PDGFD: variants seen among roughly 807,000 people sequenced by gnomAD.
The protein encoded by PDGFD is platelet derived growth factor D, also known as platelet-derived growth factor D.
In PDGFD, 30 loss-of-function variants were observed where a neutral mutation model predicts 44.7. That is an observed-to-expected ratio of 0.67 (90% CI 0.50 to 0.91). The LOEUF is 0.91. Among genes scored for constraint, PDGFD ranks in the 40% least tolerant of loss-of-function variants. The pLI is 0.00. For missense variants in PDGFD, 445 were observed against 457.8 expected, an observed-to-expected ratio of 0.97 and a Z score of 0.25; for synonymous variants, 173 against 168.4, an observed-to-expected ratio of 1.03 and a Z score of -0.21.
At chr11:104,039,513 C>T (rs1860311864) in intron 1 of PDGFD, among the ~76,000 whole-genome samples, 1 of 152,080 alleles carries the variant, frequency 6.6e-6, no homozygotes, top group African/African-American at 2.4e-5. Context: ...TTTCTAGCCA[C>T]CATCAGTTCA....
chr11:103,971,332 A>T (rs1399438220), intron 3 of PDGFD, among the ~76,000 whole-genome samples: 3 of 152,150 alleles, frequency 2.0e-5, no homozygotes, highest in Non-Finnish European at 2.9e-5. Flanking sequence ...CCAATCCTAA[A>T]CTATCAGCCC....
intron 1 of PDGFD, among the ~76,000 whole-genome samples, chr11:104,104,514 A>G (rs1456691616): frequency 6.6e-6 from 1 of 152,066 alleles, no homozygotes; most frequent in Non-Finnish European, 1.5e-5. Context: ...TACCTCTCCT[A>G]TGTTTAGATA....
intron 1 of PDGFD, among the ~76,000 whole-genome samples, chr11:104,060,482 G>A (rs1043662352): frequency 1.3e-5 from 2 of 152,102 alleles, no homozygotes; most frequent in Non-Finnish European, 2.9e-5. Context: ...CTCAGTGCAG[G>A]GGTTGGGAAG....
At chr11:104,057,000 T>C (rs361320) in intron 1 of PDGFD, among the ~76,000 whole-genome samples, 151,539 of 152,102 alleles carry the variant, frequency 1, 75,492 homozygotes, top group Middle Eastern at 1. Flanking sequence ...TAGTGGTGCA[T>C]GCCTGCAGTC....
chr11:104,018,387 T>C (rs192059498), intron 1 of PDGFD, among the ~76,000 whole-genome samples: 1 of 152,298 alleles, frequency 6.6e-6, no homozygotes, highest in East Asian at 1.9e-4. Flanking sequence ...ATGTTTGATT[T>C]TCCATCTGTA....
intron 3 of PDGFD, among the ~76,000 whole-genome samples, chr11:103,958,035 A>G (rs977625080): frequency 3.3e-5 from 5 of 151,870 alleles, no homozygotes; most frequent in African/African-American, 1.2e-4. Flanking sequence ...AAATTTTGTG[A>G]CTAGTTGTTT....
Position 104,113,363 on chromosome 11 carries a change from T to A in PDGFD, c.124+50441A>T, listed in dbSNP as rs567756778. 6.6e-5 allele frequency among the ~76,000 whole-genome samples: 10 copies of A among 152,138 alleles called. 1 individual carries two copies. In the South Asian group the frequency reaches 2.1e-3, roughly 32 times the overall value. On this transcript the variant is annotated intron_variant, in intron 1 of 6. Transcript: ENST00000393158. ...GGGGAGGGGAGGCAAACAAAAAACA[T>A]ATAGTCTAATAACAGAATAACAGAG...
intron 6 of PDGFD, among the ~76,000 whole-genome samples, chr11:103,915,564 C>T (rs1591074098): frequency 6.6e-6 from 1 of 152,268 alleles, no homozygotes; most frequent in East Asian, 1.9e-4. Context: ...CTACCATTGA[C>T]TTTCTTCACA....
chr11:104,149,161 G>C (rs1862208076), intron 1 of PDGFD, among the ~76,000 whole-genome samples: 2 of 152,078 alleles, frequency 1.3e-5, no homozygotes, highest in South Asian at 2.1e-4. Flanking sequence ...CAAATTTCCA[G>C]CAATCTTAAA....
At chr11:104,021,235 G>A (rs1408277118) in intron 1 of PDGFD, among the ~76,000 whole-genome samples, 1 of 152,132 alleles carries the variant, frequency 6.6e-6, no homozygotes, top group Non-Finnish European at 1.5e-5. Flanking sequence ...AGTCTTATTA[G>A]TCAGAGAATT....
intron 1 of PDGFD, among the ~76,000 whole-genome samples, chr11:104,095,368 C>T (rs191991990): frequency 2.0e-5 from 3 of 151,688 alleles, no homozygotes. Flanking sequence ...AATAAATAAA[C>T]AATATTTTGA....
At chr11:104,146,249 C>T (rs558338688) in intron 1 of PDGFD, among the ~76,000 whole-genome samples, 1 of 152,224 alleles carries the variant, frequency 6.6e-6, no homozygotes, top group South Asian at 2.1e-4. Context: ...ACATGTAGGA[C>T]TGGAAGACAT....
At chr11:104,062,157 G>A (rs564310872) in intron 1 of PDGFD, among the ~76,000 whole-genome samples, 68 of 152,282 alleles carry the variant, frequency 4.5e-4, no homozygotes, top group Non-Finnish European at 8.4e-4. Flanking sequence ...GGAGATAAAG[G>A]GTAGCAACTT....
chr11:104,026,533 C>T (rs184442334), intron 1 of PDGFD, among the ~76,000 whole-genome samples: 4 of 151,996 alleles, frequency 2.6e-5, no homozygotes, highest in Admixed American at 2.0e-4. Context: ...TTTGAAGCAC[C>T]TGCTTTGAGA....
At chr11:104,098,136 T>C (rs1861311522) in intron 1 of PDGFD, among the ~76,000 whole-genome samples, 1 of 152,206 alleles carries the variant, frequency 6.6e-6, no homozygotes, top group African/African-American at 2.4e-5. Context: ...TCCATTTCAA[T>C]CATATAATTT....
Position 104,037,062 on chromosome 11 carries a change from G to C in PDGFD, c.125-36807C>G, listed in dbSNP as rs760413527. 3.1e-6 allele frequency: 5 copies of C among 1,614,226 alleles called. No individual in the cohort carries two copies. The South Asian group carries it at 5.5e-5, about 18-fold the overall frequency. ...TGGTTTTACTGCAGAAGGACAATGT[G>C]GGACCTCGGGCTCCAGGGCGTGCCC... is the stretch of plus-strand genomic sequence containing the variant. On this transcript the variant is annotated intron_variant, in intron 1 of 6. Transcript: ENST00000393158.
In PDGFD at chr11:103,973,176, T is replaced by A. The variant is rs190303933; in HGVS notation, c.510+22889A>T. ...TTTTTTGAGATGGAGTCTCACTCTG[T>A]CACCCAGGCTGCAGTGCAGTGGCAC... On this transcript the variant is annotated intron_variant, in intron 3 of 6. Transcript: ENST00000393158. Among the ~76,000 whole-genome samples the A allele has an allele frequency of 6.1e-3, 912 of 149,706 alleles. 6 individuals carry two copies. The highest frequency in any genetic ancestry group is 0.011 in the Admixed American group (163 of 15,018).
intron 1 of PDGFD, among the ~76,000 whole-genome samples, chr11:104,046,801 T>C (rs1434926444): frequency 2.0e-5 from 3 of 146,976 alleles, no homozygotes; most frequent in Non-Finnish European, 4.6e-5. Context: ...TGAAGGTTTG[T>C]TACACAGGTA....
At chr11:104,116,996 T>C (rs1388808593) in intron 1 of PDGFD, among the ~76,000 whole-genome samples, 2 of 151,970 alleles carry the variant, frequency 1.3e-5, no homozygotes, top group Non-Finnish European at 2.9e-5. Flanking sequence ...TATGTCTTTA[T>C]TAGCAGTGTG....
Sources: allele counts gnomAD v4.1 joint callset (sites outside exome capture counted in the v4.1 genomes callset), GRCh38; gene constraint gnomAD v4.1.1; transcripts MANE v1.5; gene names NCBI Gene and HGNC (gene_info 2026-07-23, HGNC 2026-07-21).